PROSER2: variants seen among roughly 807,000 people sequenced by gnomAD.
PROSER2 encodes proline and serine rich 2, also known as proline and serine-rich protein 2.
Under a neutral mutation model 14.6 loss-of-function variants are expected in PROSER2, and 18 were observed. The observed-to-expected ratio is 1.23, with a 90% confidence interval of 0.85 to 1.83. The LOEUF is 1.83. Among genes scored for constraint, PROSER2 ranks in the 40% most tolerant of loss-of-function variants. The probability of loss-of-function intolerance (pLI) is 0.00; values close to 1 mark genes in which losing one functional copy is unlikely to be tolerated. For synonymous variants in PROSER2, 367 were observed against 286.4 expected, an observed-to-expected ratio of 1.28 and a Z score of -2.84; for missense variants, 823 against 629.8, an observed-to-expected ratio of 1.31 and a Z score of -3.28.
rs114768610 is a variant in PROSER2 at position 11,856,181 on chromosome 10, G to T, written c.138+3966G>T. On this transcript the variant is annotated intron_variant, in intron 2 of 3. Transcript: ENST00000277570. This position sits in a 1 kb window ranked among gnomAD's most constrained non-coding sequence, Gnocchi z 5.3. Reference sequence around the variant, plus strand: ...GATGCAGGCACAAAATAAAAGGCCCGAGAAGGGCTTGAGATGTCCATATGT... The same window carrying T: ...GATGCAGGCACAAAATAAAAGGCCCTAGAAGGGCTTGAGATGTCCATATGT... 8.5e-3 allele frequency among the ~76,000 whole-genome samples: 1,291 copies of T among 152,300 alleles called. 21 individuals are homozygous for T. Among genetic ancestry groups the T allele is most frequent in the African/African-American group, 0.029 (1,216 of 41,568 alleles).
chr10:11,848,005 C>T (rs934948313), intron 1 of PROSER2, among the ~76,000 whole-genome samples: 8 of 152,126 alleles, frequency 5.3e-5, no homozygotes, highest in Admixed American at 2.0e-4. Context: ...GGTAAGAGTG[C>T]GTGTCCCTCC....
intron 2 of PROSER2, among the ~76,000 whole-genome samples, chr10:11,853,790 GGAAC>G (rs1786036357): frequency 1.3e-5 from 2 of 152,030 alleles, no homozygotes; most frequent in Non-Finnish European, 2.9e-5. Context: ...GTGGTAAAAG[GGAAC>G]ATTCCTTCCT....
chr10:11,834,596 A>G (rs1833733151), intron 1 of PROSER2, among the ~76,000 whole-genome samples: 1 of 151,526 alleles, frequency 6.6e-6, no homozygotes, highest in South Asian at 2.1e-4. Flanking sequence ...TTAGCCGGGT[A>G]TGGTAGTGCA....
intron 3 of PROSER2, among the ~76,000 whole-genome samples, chr10:11,867,786 G>A (rs192388684): frequency 1.3e-5 from 2 of 152,326 alleles, no homozygotes; most frequent in Admixed American, 1.3e-4. Flanking sequence ...CAGTACCAGG[G>A]TTGTTGGGGA....
chr10:11,840,419 G>A (rs1833820063), intron 1 of PROSER2, among the ~76,000 whole-genome samples: 1 of 152,084 alleles, frequency 6.6e-6, no homozygotes, highest in Admixed American at 6.5e-5. Context: ...AATTTAACCT[G>A]TTAATGTGCT....
intron 1 of PROSER2, among the ~76,000 whole-genome samples, chr10:11,842,697 C>T (rs1833861683): frequency 6.6e-6 from 1 of 152,044 alleles, no homozygotes; most frequent in Admixed American, 6.6e-5. Flanking sequence ...TGGTAGCCGA[C>T]TCGCTCTGTT....
In PROSER2 at chr10:11,866,222, G is replaced by A. The variant is rs746566349; in HGVS notation, c.139-309G>A. The stretch of plus-strand genomic sequence containing the variant: ...GGAAAAACAAGTGTGTTGGATAGCC[G>A]TAGGCTGACTGCAGCTCTCCAGTGT... On this transcript the variant is annotated intron_variant, in intron 2 of 3. Transcript: ENST00000277570. The surrounding 1 kb of genome is among the most constrained non-coding windows in gnomAD (Gnocchi z 6.0). Among the ~76,000 whole-genome samples, 12 of 152,234 alleles carry A rather than the reference G, an allele frequency of 7.9e-5. No individual in the cohort carries two copies. The highest frequency in any genetic ancestry group is 1.7e-4 in the African/African-American group (7 of 41,456).
At position 11,856,424 on chromosome 10, in the gene PROSER2, A is replaced by G. The variant is rs1171401330; in HGVS notation, c.138+4209A>G. Among the ~76,000 whole-genome samples the G allele has an allele frequency of 1.3e-5, 2 of 152,176 alleles. No individual in the cohort carries two copies. Among genetic ancestry groups the G allele is most frequent in the Non-Finnish European group, 2.9e-5 (2 of 68,030 alleles). ...CTTCACACATCCCGAAGCTTCCTCT[A>G]GAAGAAATAGGATTTGGCTGCTCGG... is the stretch of plus-strand genomic sequence containing the variant. On this transcript the variant is annotated intron_variant, in intron 2 of 3. Coordinates refer to ENST00000277570, the MANE Select transcript of PROSER2 (RefSeq NM_153256.4). The surrounding 1 kb of genome is among the most constrained non-coding windows in gnomAD (Gnocchi z 5.3).
Position 11,870,348 on chromosome 10 carries a change from C to A in PROSER2, c.1250C>A (p.Ser417Ter), listed in dbSNP as rs1244982469. The A allele has an allele frequency of 2.9e-5, 44 of 1,508,354 alleles. No individual in the cohort carries two copies. Among genetic ancestry groups the A allele is most frequent in the Non-Finnish European group, 3.7e-5 (42 of 1,131,052 alleles). The allele number at this position is 1,508,354 out of a possible 1,614,324, so 93.4% of individuals were successfully genotyped here. A position where few individuals can be genotyped will look rare whatever the true frequency, so the allele number is the denominator to read the frequency against. ...ITVQFAGRGS[S>*]EEARREALRK... is the part of the protein sequence containing the mutation. ...GTGCAGTTCGCGGGCCGCGGCTCCTCGGAGGAGGCGCGCAGGGAGGCCCTG... is the reference window on the plus strand; with the variant it reads ...GTGCAGTTCGCGGGCCGCGGCTCCTAGGAGGAGGCGCGCAGGGAGGCCCTG... The change falls in exon 4 of 4, where the codon TCG (serine) becomes TAG (stop). Residue 417 changes from serine to a stop codon, truncating the protein, a stop_gained. Coordinates refer to ENST00000277570, the MANE Select transcript of PROSER2 (RefSeq NM_153256.4). LOFTEE classifies it high-confidence loss of function.
chr10:11,859,408 CAG>C (rs1834191568), intron 2 of PROSER2, among the ~76,000 whole-genome samples: 3 of 152,110 alleles, frequency 2.0e-5, no homozygotes, highest in South Asian at 4.2e-4. Context: ...AGCTGGGAGA[CAG>C]AGTGAGAGAC....
At chr10:11,858,409 T>C (rs1834164805) in intron 2 of PROSER2, among the ~76,000 whole-genome samples, 1 of 152,264 alleles carries the variant, frequency 6.6e-6, no homozygotes, top group Non-Finnish European at 1.5e-5. Context: ...TAGCTTTTTA[T>C]TGGGCTGCTG....
Position 11,871,668 on chromosome 10 carries a change from T to C in PROSER2, c.*1262T>C, listed in dbSNP as rs555817282. 1.3e-5 allele frequency: 2 copies of C among 152,328 alleles called. No individual in the cohort carries two copies. The highest frequency in any genetic ancestry group is 4.8e-5 in the African/African-American group (2 of 41,572). 9.4% of individuals were successfully genotyped at this position (152,328 alleles called of 1,614,324 possible). A position where few individuals can be genotyped will look rare whatever the true frequency, so the allele number is the denominator to read the frequency against. ...ACACGCTGAGTTATGCCACAAGCGT[T>C]ATCATCAAAACTATTTAAGGCTGGA... is the stretch of plus-strand genomic sequence containing the variant. On this transcript the variant is annotated 3_prime_UTR_variant, in exon 4 of 4. Transcript: ENST00000277570.
Position 11,852,155 on chromosome 10 carries a change from C to A in PROSER2, c.78C>A (p.Phe26Leu). The change falls in exon 2 of 4, where the codon TTC (phenylalanine) becomes TTA (leucine). Residue 26 changes from phenylalanine to leucine, a missense_variant. Physicochemically the swap from Phe to Leu is conservative, Grantham distance 22. Transcript: ENST00000277570. ...CCCCCAGCTGCAGGCTCCGAGCCTT[C>A]AGCAGAGGCGGCAGCCTGGAGAGTC... is the stretch of plus-strand genomic sequence containing the variant. ...DTSPSCRLRA[F>L]SRGGSLESRS... 2 of 1,613,524 alleles carry A rather than the reference C, an allele frequency of 1.2e-6. No individual in the cohort carries two copies. Among genetic ancestry groups the A allele is most frequent in the Non-Finnish European group, 8.5e-7 (1 of 1,179,776 alleles).
At position 11,856,237 on chromosome 10, in the gene PROSER2, C is replaced by T. The variant is rs1477950176; in HGVS notation, c.138+4022C>T. The stretch of plus-strand genomic sequence containing the variant: ...CTCTCCTCTCCATGGCTGCTGCAGG[C>T]GGCTCTGGGTGTTTGGTTACCACCG... On this transcript the variant is annotated intron_variant, in intron 2 of 3. Coordinates refer to ENST00000277570, the MANE Select transcript of PROSER2 (RefSeq NM_153256.4). The surrounding 1 kb of genome is among the most constrained non-coding windows in gnomAD (Gnocchi z 5.3). 1.3e-5 allele frequency among the ~76,000 whole-genome samples: 2 copies of T among 152,154 alleles called. No homozygotes were observed. The highest frequency in any genetic ancestry group is 2.1e-4 in the South Asian group (1 of 4,822).
chr10:11,870,418 G>A lies in PROSER2; in HGVS notation c.*12G>A. On this transcript the variant is annotated 3_prime_UTR_variant, in exon 4 of 4. Coordinates refer to ENST00000277570, the MANE Select transcript of PROSER2 (RefSeq NM_153256.4). ...GGGAGAGTTCGTGAGGGCCGCGCGG[G>A]CTCCAGTCCACCCCGTTTCTCCCCA... 2 of 1,471,884 alleles carry A rather than the reference G, an allele frequency of 1.4e-6. No homozygotes were observed. The highest frequency in any genetic ancestry group is 1.8e-6 in the Non-Finnish European group (2 of 1,115,034). The allele number at this position is 1,471,884 out of a possible 1,614,324, so 91.2% of individuals were successfully genotyped here.
chr10:11,825,434 T>C (rs1449680820), intron 1 of PROSER2, among the ~76,000 whole-genome samples: 1 of 152,178 alleles, frequency 6.6e-6, no homozygotes. Context: ...GCTTCCTAGG[T>C]GCCTCTGTGC....
intron 1 of PROSER2, among the ~76,000 whole-genome samples, chr10:11,843,461 G>A (rs1319132733): frequency 6.6e-6 from 1 of 151,778 alleles, no homozygotes; most frequent in Non-Finnish European, 1.5e-5. Flanking sequence ...GCCAAGGCGG[G>A]CAGATCATGA....
intron 2 of PROSER2, among the ~76,000 whole-genome samples, chr10:11,864,296 T>C (rs1231899846): frequency 6.6e-6 from 1 of 152,218 alleles, no homozygotes; most frequent in Non-Finnish European, 1.5e-5. Context: ...ATTCCTGATC[T>C]TTTGTTTGTT....
chr10:11,834,828 C>T (rs1296482316), intron 1 of PROSER2, among the ~76,000 whole-genome samples: 2 of 151,720 alleles, frequency 1.3e-5, no homozygotes, highest in East Asian at 3.9e-4. Flanking sequence ...TGAGGCTGGG[C>T]GCAGTGGCTC....
Sources: gnomAD v4.1 joint callset for allele counts (sites outside exome capture counted in the v4.1 genomes callset) on GRCh38, gnomAD v4.1.1 for gene constraint, Gnocchi (gnomAD v3.1) non-coding constraint, MANE v1.5 for transcripts, NCBI Gene and HGNC (gene_info 2026-07-23, HGNC 2026-07-21) for gene names.